RPH3A: variants seen among roughly 807,000 people sequenced by gnomAD.
RPH3A encodes rabphilin-3A.
In RPH3A, 48 loss-of-function variants were observed where a neutral mutation model predicts 102.2. That is an observed-to-expected ratio of 0.47 (90% CI 0.37 to 0.60). The LOEUF (loss-of-function observed/expected upper bound fraction) is 0.60, where lower values mean the gene tolerates loss of function less well. RPH3A is among the 20% of genes least tolerant of loss of function. The pLI is 0.00. For synonymous variants in RPH3A, 310 were observed against 324.3 expected, an observed-to-expected ratio of 0.96 and a Z score of 0.47; for missense variants, 781 against 910.1, an observed-to-expected ratio of 0.86 and a Z score of 1.83.
At chr12:112,636,234 T>C (rs976589314) in intron 1 of RPH3A, among the ~76,000 whole-genome samples, 1 of 152,156 alleles carries the variant, frequency 6.6e-6, no homozygotes, top group African/African-American at 2.4e-5. Flanking sequence ...GGAGGAAGAC[T>C]AAATGGAGAC....
intron 1 of RPH3A, among the ~76,000 whole-genome samples, chr12:112,729,142 C>CT (rs879792776): frequency 1.2e-3 from 174 of 143,632 alleles, no homozygotes; most frequent in East Asian, 7.9e-3. Flanking sequence ...ACAAAGGGAA[C>CT]TTTTTTTTTT....
intron 1 of RPH3A, among the ~76,000 whole-genome samples, chr12:112,711,808 T>A (rs781659654): frequency 1.3e-5 from 2 of 152,168 alleles, no homozygotes; most frequent in Non-Finnish European, 2.9e-5. Flanking sequence ...GCAATCTCTC[T>A]TTCCTCGTTC....
chr12:112,877,804 ATTG>A (rs1467296388), intron 13 of RPH3A, among the ~76,000 whole-genome samples: 2 of 152,192 alleles, frequency 1.3e-5, no homozygotes, highest in African/African-American at 2.4e-5. Flanking sequence ...CCCACGAGGA[ATTG>A]TTGTTATGCG....
At chr12:112,744,307 C>T (rs934628599) in intron 1 of RPH3A, among the ~76,000 whole-genome samples, 2 of 152,090 alleles carry the variant, frequency 1.3e-5, no homozygotes, top group Non-Finnish European at 2.9e-5. Context: ...AACTCCTGAC[C>T]TCAAGTGATC....
At chr12:112,678,279 A>AGAG (rs2040197690) in intron 1 of RPH3A, among the ~76,000 whole-genome samples, 1 of 64,750 alleles carries the variant, frequency 1.5e-5, no homozygotes, top group African/African-American at 1.1e-4. Context: ...GAAAGAAAGA[A>AGAG]AGAAAGAAAG....
intron 1 of RPH3A, among the ~76,000 whole-genome samples, chr12:112,607,667 C>T (rs1478689235): frequency 1.3e-5 from 2 of 152,184 alleles, no homozygotes; most frequent in African/African-American, 4.8e-5. Context: ...TGAGGGAATA[C>T]TTGTTCTGTC....
intron 1 of RPH3A, among the ~76,000 whole-genome samples, chr12:112,707,005 C>T (rs545801140): frequency 6.6e-6 from 1 of 152,284 alleles, no homozygotes; most frequent in African/African-American, 2.4e-5. Flanking sequence ...TGTTGATTCT[C>T]TGCAAGGGCT....
At chr12:112,643,209 T>C (rs1201983362) in intron 1 of RPH3A, among the ~76,000 whole-genome samples, 1 of 152,208 alleles carries the variant, frequency 6.6e-6, no homozygotes, top group African/African-American at 2.4e-5. Context: ...AGTTTGCCTA[T>C]GAGGATGAAG....
chr12:112,837,738 A>G, intron 4 of RPH3A: 1 of 455,990 alleles, frequency 2.2e-6, no homozygotes, highest in Non-Finnish European at 4.4e-6. Context: ...TATGAACATC[A>G]CCAGAGAGAA....
At chr12:112,688,223 G>A (rs1238266979) in intron 1 of RPH3A, among the ~76,000 whole-genome samples, 1 of 152,190 alleles carries the variant, frequency 6.6e-6, no homozygotes, top group Non-Finnish European at 1.5e-5. Context: ...TGCACCATTA[G>A]TCCATGGGAT....
chr12:112,706,371 A>G (rs550049304), intron 1 of RPH3A, among the ~76,000 whole-genome samples: 20 of 152,284 alleles, frequency 1.3e-4, no homozygotes, highest in Non-Finnish European at 2.1e-4. Flanking sequence ...TCCTCAGTGC[A>G]ATGAAGCCCC....
At chr12:112,855,997 C>T (rs983988605) in intron 5 of RPH3A, among the ~76,000 whole-genome samples, 1 of 152,120 alleles carries the variant, frequency 6.6e-6, no homozygotes, top group Non-Finnish European at 1.5e-5. Flanking sequence ...CACTTTGCTG[C>T]GTTTTTCTGA....
At chr12:112,800,305 G>A (rs2041317275) in intron 2 of RPH3A, among the ~76,000 whole-genome samples, 1 of 152,112 alleles carries the variant, frequency 6.6e-6, no homozygotes, top group African/African-American at 2.4e-5. Context: ...TGGGAAGTGG[G>A]GGCAGTAAGT....
At chr12:112,799,757 T>A (rs1225195068) in intron 2 of RPH3A, among the ~76,000 whole-genome samples, 1 of 152,128 alleles carries the variant, frequency 6.6e-6, no homozygotes, top group African/African-American at 2.4e-5. Context: ...CCGGGGGATA[T>A]AGGGTAGAGA....
intron 13 of RPH3A, among the ~76,000 whole-genome samples, chr12:112,877,421 C>CACACACACACACACACACACACACGTAT (rs2042824636): frequency 6.5e-5 from 2 of 30,748 alleles, no homozygotes; most frequent in East Asian, 1.9e-3. Context: ...CACACGTATA[C>CACACACACACACACACACACACACGTAT]ACACACACAC....
chr12:112,698,728 G>A (rs745557169), intron 1 of RPH3A, among the ~76,000 whole-genome samples: 24 of 152,184 alleles, frequency 1.6e-4, no homozygotes, highest in Non-Finnish European at 1.5e-4. Flanking sequence ...ATGCTGGTGA[G>A]GATATGAAGC....
chr12:112,848,180 C>T (rs992195601), intron 5 of RPH3A, among the ~76,000 whole-genome samples: 14 of 151,694 alleles, frequency 9.2e-5, no homozygotes, highest in African/African-American at 2.2e-4. Context: ...CTGCAAGAAG[C>T]GGGGTGGGTG....
At chr12:112,705,629 A>G (rs2136031651) in intron 1 of RPH3A, among the ~76,000 whole-genome samples, 1 of 152,326 alleles carries the variant, frequency 6.6e-6, no homozygotes, top group South Asian at 2.1e-4. Flanking sequence ...ATCCTTTAAA[A>G]ATTAATTTTT....
chr12:112,694,673 C>T (rs966451983), intron 1 of RPH3A, among the ~76,000 whole-genome samples: 18 of 144,544 alleles, frequency 1.2e-4, no homozygotes, highest in African/African-American at 4.9e-4. Flanking sequence ...CACACACACA[C>T]ACACACACAC....
Sources: allele counts gnomAD v4.1 joint callset (sites outside exome capture counted in the v4.1 genomes callset), GRCh38; gene constraint gnomAD v4.1.1; transcripts MANE v1.5; gene names NCBI Gene and HGNC (gene_info 2026-07-23, HGNC 2026-07-21).